MYO16: variants seen among roughly 807,000 people sequenced by gnomAD.
MYO16 encodes myosin XVI, also known as unconventional myosin-XVI.
In MYO16, 94 loss-of-function variants were observed where a neutral mutation model predicts 205.3. The observed-to-expected ratio is 0.46, with a 90% CI of 0.39 to 0.54. The LOEUF is 0.54. MYO16 is among the 20% of genes least tolerant of loss of function. MYO16 has a pLI of 0.00. For missense variants in MYO16, 2,315 were observed against 2,387.5 expected (o/e 0.97, Z 0.63); for synonymous variants, 988 against 954.0 (o/e 1.04, Z -0.66).
At chr13:108,606,962 G>A (rs1225555750) in intron 1 of MYO16, among the ~76,000 whole-genome samples, 2 of 152,188 alleles carry the variant, frequency 1.3e-5, no homozygotes, top group African/African-American at 4.8e-5. Flanking sequence ...AAAGGAGATC[G>A]TTTTGTAACT....
chr13:108,876,043 T>A (rs1879309022), intron 12 of MYO16, among the ~76,000 whole-genome samples: 1 of 152,132 alleles, frequency 6.6e-6, no homozygotes, highest in African/African-American at 2.4e-5. Context: ...TATGTTGGAC[T>A]TGGGGAGGAG....
At chr13:109,204,974 A>T (rs1880539684) in intron 34 of MYO16, among the ~76,000 whole-genome samples, 2 of 152,162 alleles carry the variant, frequency 1.3e-5, no homozygotes, top group Admixed American at 6.5e-5. Flanking sequence ...CTGAGAGTAG[A>T]AGCAATCTGG....
chr13:108,699,184 C>T (rs1216969403), intron 2 of MYO16, among the ~76,000 whole-genome samples: 1 of 150,706 alleles, frequency 6.6e-6, no homozygotes, highest in Non-Finnish European at 1.5e-5. Flanking sequence ...TATATACACA[C>T]ATGTATATAT....
At chr13:108,909,740 C>T (rs1881170212) in intron 15 of MYO16, among the ~76,000 whole-genome samples, 1 of 152,024 alleles carries the variant, frequency 6.6e-6, no homozygotes, top group Non-Finnish European at 1.5e-5. Flanking sequence ...CAGACAAGAG[C>T]AAATCTTGTT....
At chr13:108,783,901 G>T (rs1036505570) in intron 4 of MYO16, among the ~76,000 whole-genome samples, 1 of 152,164 alleles carries the variant, frequency 6.6e-6, no homozygotes, top group African/African-American at 2.4e-5. Context: ...CCAGTTTTGG[G>T]TATGTCTCTA....
At chr13:108,719,930 C>G (rs1277191201) in intron 3 of MYO16, among the ~76,000 whole-genome samples, 3 of 152,064 alleles carry the variant, frequency 2.0e-5, no homozygotes, top group Non-Finnish European at 2.9e-5. Context: ...TGCAGCAAAC[C>G]AGTGCTGCTG....
At chr13:108,857,984 G>A (rs576730172) in intron 11 of MYO16, among the ~76,000 whole-genome samples, 2 of 152,304 alleles carry the variant, frequency 1.3e-5, no homozygotes, top group South Asian at 2.1e-4. Context: ...AAGCTCAATC[G>A]ATTAGGATCA....
rs554463420 is a variant in MYO16 at position 108,947,444 on chromosome 13, T to A, written c.1926-10244T>A. ...CCAGTCAGATGCAGCTCCCCAGGCCTTGAGTTGTTAAACTAATCCTACCAT... is the reference window on the plus strand; with the variant it reads ...CCAGTCAGATGCAGCTCCCCAGGCCATGAGTTGTTAAACTAATCCTACCAT... On this transcript the variant is annotated intron_variant, in intron 16 of 34. Coordinates refer to ENST00000457511, the MANE Select transcript of MYO16 (RefSeq NM_001198950.3). Among the ~76,000 whole-genome samples the A allele has an allele frequency of 8.4e-4, 128 of 152,336 alleles. 1 individual carries two copies. Among genetic ancestry groups the A allele is most frequent in the African/African-American group, 3.0e-3 (124 of 41,590 alleles).
Position 108,906,590 on chromosome 13 carries a change from G to A in MYO16, c.1778-3413G>A, listed in dbSNP as rs537616778. 7.2e-5 allele frequency among the ~76,000 whole-genome samples: 11 copies of A among 152,322 alleles called. No homozygotes were observed. The South Asian group carries it at 2.3e-3, about 32-fold the overall frequency. On this transcript the variant is annotated intron_variant, in intron 15 of 34. Coordinates refer to ENST00000457511, the MANE Select transcript of MYO16 (RefSeq NM_001198950.3). ...TGAAATGCTTTAGTTGATCTTATGT[G>A]AAGAGCAGCATCCTTTATTGCAAAC...
intron 16 of MYO16, among the ~76,000 whole-genome samples, chr13:108,912,421 A>C (rs548373020): frequency 6.6e-6 from 1 of 152,250 alleles, no homozygotes; most frequent in South Asian, 2.1e-4. Context: ...TAGAAGAAAA[A>C]GCTAATATTA....
chr13:109,060,404 T>A lies in MYO16; in HGVS notation c.3335+4809T>A, dbSNP rs141861292. On this transcript the variant is annotated intron_variant, in intron 27 of 34. Transcript: ENST00000457511. ...CAGGAGCAGAAAACCAAACACTGCA[T>A]GTTCTCACTCATAAGTGAGAGTTGA... Among the ~76,000 whole-genome samples the A allele has an allele frequency of 5.8e-3, 877 of 151,902 alleles. 8 individuals carry two copies. The highest frequency in any genetic ancestry group is 0.02 in the African/African-American group (830 of 41,400).
chr13:109,178,655 C>T lies in MYO16; in HGVS notation c.5324-887C>T, dbSNP rs76771473. Among the ~76,000 whole-genome samples, 598 of 151,794 alleles carry T rather than the reference C, an allele frequency of 3.9e-3. 15 individuals are homozygous for T. In the East Asian group the frequency reaches 0.047, roughly 12 times the overall value. ...CGAAGTCACTTGCGGTGATGCATTG[C>T]GCCTGTATCACAGTGATTCTCAGCC... On this transcript the variant is annotated intron_variant, in intron 33 of 34. Transcript: ENST00000457511.
intron 13 of MYO16, among the ~76,000 whole-genome samples, chr13:108,885,075 C>G (rs1356763913): frequency 6.6e-6 from 1 of 152,162 alleles, no homozygotes; most frequent in Non-Finnish European, 1.5e-5. Flanking sequence ...GGGCTCCAAC[C>G]CATTCTAGAC....
intron 12 of MYO16, among the ~76,000 whole-genome samples, chr13:108,867,246 G>A (rs1467341736): frequency 6.6e-6 from 1 of 152,006 alleles, no homozygotes; most frequent in East Asian, 1.9e-4. Flanking sequence ...TGTGCCTGTG[G>A]TTACAGCTAC....
chr13:108,908,380 T>A (rs1308899448), intron 15 of MYO16, among the ~76,000 whole-genome samples: 4 of 152,240 alleles, frequency 2.6e-5, no homozygotes, highest in African/African-American at 9.6e-5. Flanking sequence ...TTAGCTAAAT[T>A]GACCACTTAC....
chr13:108,993,610 A>G (rs1335056350), intron 21 of MYO16, among the ~76,000 whole-genome samples: 1 of 152,180 alleles, frequency 6.6e-6, no homozygotes, highest in African/African-American at 2.4e-5. Flanking sequence ...AGTTTGAACT[A>G]GAACTATAGA....
At chr13:108,826,196 A>G (rs1876253787) in intron 9 of MYO16, among the ~76,000 whole-genome samples, 1 of 152,132 alleles carries the variant, frequency 6.6e-6, no homozygotes. Flanking sequence ...TATAGTAACT[A>G]AGACATTGTG....
rs181731461 is a variant in MYO16 at position 109,190,994 on chromosome 13, G to A, written c.5415+11361G>A. ...AGCACTTTGGGAGGCTGAGGCGGGC[G>A]GATCATCTGTGGTCAAGAGTTCGAG... On this transcript the variant is annotated intron_variant, in intron 34 of 34. Coordinates refer to ENST00000457511, the MANE Select transcript of MYO16 (RefSeq NM_001198950.3). 1.7e-4 allele frequency among the ~76,000 whole-genome samples: 26 copies of A among 152,126 alleles called. 1 individual carries two copies. The highest frequency in any genetic ancestry group is 7.2e-4 in the Admixed American group (11 of 15,274).
At chr13:108,843,734 T>C (rs1594337383) in intron 9 of MYO16, among the ~76,000 whole-genome samples, 1 of 152,174 alleles carries the variant, frequency 6.6e-6, no homozygotes, top group African/African-American at 2.4e-5. Context: ...ATAATGGCTG[T>C]ATTTTGGGAA....
Sources: gnomAD v4.1 joint callset for allele counts (sites outside exome capture counted in the v4.1 genomes callset) on GRCh38, gnomAD v4.1.1 for gene constraint, MANE v1.5 for transcripts, NCBI Gene and HGNC (gene_info 2026-07-23, HGNC 2026-07-21) for gene names.